The following CNTN4 variants were observed in gnomAD, a reference collection of about 807,000 sequenced individuals.
The protein encoded by CNTN4 is contactin-4.
CNTN4 carries 77 observed loss-of-function variants against 122.5 expected under a neutral mutation model. The observed-to-expected ratio is 0.63, with a 90% confidence interval of 0.52 to 0.76. The LOEUF (loss-of-function observed/expected upper bound fraction) is 0.76, where lower values mean the gene tolerates loss of function less well. Among genes scored for constraint, CNTN4 ranks in the 30% least tolerant of loss-of-function variants. CNTN4 has a pLI of 0.00. For synonymous variants in CNTN4, 512 were observed against 447.0 expected (o/e 1.15, Z -1.83); for missense variants, 1,256 against 1,259.1 (o/e 1.00, Z 0.04).
At chr3:2,532,970 G>T (rs1223164351) in intron 3 of CNTN4, among the ~76,000 whole-genome samples, 3 of 152,172 alleles carry the variant, frequency 2.0e-5, no homozygotes, top group Admixed American at 2.0e-4. Context: ...CATAAGAAAT[G>T]AGAACCATCC....
intron 2 of CNTN4, among the ~76,000 whole-genome samples, chr3:2,331,005 G>A (rs1483007885): frequency 6.6e-6 from 1 of 152,112 alleles, no homozygotes; most frequent in African/African-American, 2.4e-5. Flanking sequence ...TAGATGACTT[G>A]GGAATGTAGA....
At position 2,552,694 on chromosome 3, in the gene CNTN4, CTT is replaced by C. The variant is rs575384405; in HGVS notation, c.-88-18720_-88-18719del. On this transcript the variant is annotated intron_variant, in intron 3 of 24. Coordinates refer to ENST00000418658, the MANE Select transcript of CNTN4 (RefSeq NM_175607.3). The stretch of plus-strand genomic sequence containing the variant: ...TGAGCTGGGTATCAAAGAGAGGAGA[CTT>C]TATTTTAAAAGGCAGGTATGGGGTG... Among the ~76,000 whole-genome samples the C allele has an allele frequency of 1.8e-3, 279 of 152,184 alleles. 2 individuals are homozygous for C. Among genetic ancestry groups the C allele is most frequent in the African/African-American group, 5.2e-3 (216 of 41,526 alleles).
At chr3:2,561,361 C>A (rs184962755) in intron 3 of CNTN4, among the ~76,000 whole-genome samples, 1 of 152,122 alleles carries the variant, frequency 6.6e-6, no homozygotes, top group Non-Finnish European at 1.5e-5. Context: ...GTGATAGAAG[C>A]TTTAAGAGTT....
intron 2 of CNTN4, among the ~76,000 whole-genome samples, chr3:2,211,000 A>G (rs74281602): frequency 0.091 from 13,898 of 152,204 alleles, 1,071 homozygotes; most frequent in East Asian, 0.41. Context: ...CCATTTTTGC[A>G]TTGCTGTCAA....
chr3:2,410,337 T>C (rs963668450), intron 3 of CNTN4, among the ~76,000 whole-genome samples: 5 of 152,156 alleles, frequency 3.3e-5, no homozygotes. Flanking sequence ...TAGATAAAGA[T>C]TGTTACAGAG....
At chr3:2,543,305 A>T (rs940962719) in intron 3 of CNTN4, among the ~76,000 whole-genome samples, 4 of 152,118 alleles carry the variant, frequency 2.6e-5, no homozygotes, top group African/African-American at 9.7e-5. Flanking sequence ...TAAAGCACTC[A>T]GATTCAGAAG....
chr3:2,193,801 C>T (rs1330691024), intron 2 of CNTN4, among the ~76,000 whole-genome samples: 1 of 152,062 alleles, frequency 6.6e-6, no homozygotes, highest in Non-Finnish European at 1.5e-5. Flanking sequence ...TGTTTAGATA[C>T]ACAAATAACA....
chr3:2,836,178 T>C (rs913043633), intron 7 of CNTN4, among the ~76,000 whole-genome samples: 4 of 152,156 alleles, frequency 2.6e-5, no homozygotes, highest in African/African-American at 9.7e-5. Context: ...GTAGAAGATA[T>C]GAACATACCA....
chr3:2,478,501 G>C (rs1248341903), intron 3 of CNTN4, among the ~76,000 whole-genome samples: 1 of 151,714 alleles, frequency 6.6e-6, no homozygotes, highest in Non-Finnish European at 1.5e-5. Flanking sequence ...GTGCCATGAT[G>C]GTTTACTGCA....
chr3:3,043,579 A>G lies in CNTN4; in HGVS notation c.2699-13A>G. ...AATAATCTGTGACTTCGTATATCTT[A>G]ATTTTTTTATAGCACCAAGTCAACC... is the stretch of plus-strand genomic sequence containing the variant. On this transcript the variant is annotated splice_polypyrimidine_tract_variant and intron_variant, in intron 22 of 24. Coordinates refer to ENST00000418658, the MANE Select transcript of CNTN4 (RefSeq NM_175607.3). 1.3e-6 allele frequency: 2 copies of G among 1,579,946 alleles called. No homozygotes were observed. Among genetic ancestry groups the G allele is most frequent in the South Asian group, 1.1e-5 (1 of 90,346 alleles).
At chr3:2,677,326 G>C (rs1206015585) in intron 4 of CNTN4, among the ~76,000 whole-genome samples, 1 of 134,644 alleles carries the variant, frequency 7.4e-6, no homozygotes, top group East Asian at 2.2e-4. Flanking sequence ...GTAACCCATT[G>C]AGATTTTTTT....
intron 14 of CNTN4, among the ~76,000 whole-genome samples, chr3:3,017,049 C>T (rs1697825260): frequency 1.3e-5 from 2 of 152,196 alleles, no homozygotes; most frequent in South Asian, 4.1e-4. Flanking sequence ...AAAACCTTGA[C>T]TTGTGAACGT....
At chr3:2,644,868 T>C (rs1401881023) in intron 4 of CNTN4, among the ~76,000 whole-genome samples, 1 of 149,582 alleles carries the variant, frequency 6.7e-6, no homozygotes, top group African/African-American at 2.5e-5. Flanking sequence ...ACCCCTTGTC[T>C]TGTATTCTGC....
At chr3:2,968,847 C>T (rs774978244) in intron 13 of CNTN4, among the ~76,000 whole-genome samples, 9 of 152,174 alleles carry the variant, frequency 5.9e-5, no homozygotes, top group Non-Finnish European at 1.2e-4. Context: ...CATCTATGGA[C>T]ACACAGATGT....
At chr3:2,750,859 C>T (rs2090053361) in intron 6 of CNTN4, among the ~76,000 whole-genome samples, 1 of 152,150 alleles carries the variant, frequency 6.6e-6, no homozygotes. Context: ...ATGAGTTGAA[C>T]CACTGAGTCA....
At chr3:2,110,460 C>T (rs1352612572) in intron 2 of CNTN4, 2 of 145,508 alleles carry the variant, frequency 1.4e-5, no homozygotes, top group Non-Finnish European at 3.1e-5. Flanking sequence ...CATTCTTTGC[C>T]ACATTCCTGT....
At chr3:2,160,722 G>A (rs558844336) in intron 2 of CNTN4, among the ~76,000 whole-genome samples, 1 of 152,146 alleles carries the variant, frequency 6.6e-6, no homozygotes, top group Non-Finnish European at 1.5e-5. Context: ...GCAAGGGCTT[G>A]GCATCTGTTG....
At chr3:2,205,961 T>C (rs913165595) in intron 2 of CNTN4, among the ~76,000 whole-genome samples, 2 of 152,130 alleles carry the variant, frequency 1.3e-5, no homozygotes, top group Non-Finnish European at 2.9e-5. Flanking sequence ...TTTATTACTT[T>C]GCATTTAAAG....
intron 2 of CNTN4, among the ~76,000 whole-genome samples, chr3:2,190,566 C>T (rs1197279422): frequency 6.6e-6 from 1 of 151,376 alleles, no homozygotes; most frequent in East Asian, 1.9e-4. Context: ...AACATGAATA[C>T]TCTAGTCTAC....
Sources: gnomAD v4.1 joint callset for allele counts (sites outside exome capture counted in the v4.1 genomes callset) on GRCh38, gnomAD v4.1.1 for gene constraint, MANE v1.5 for transcripts, NCBI Gene and HGNC (gene_info 2026-07-23, HGNC 2026-07-21) for gene names.